The following DMD variants were observed in gnomAD, a reference collection of about 807,000 sequenced individuals.
DMD encodes mutant dystrophin.
A neutral mutation model predicts 330.1 loss-of-function variants in DMD; 63 were observed. That is an observed-to-expected ratio of 0.19 (90% CI 0.16 to 0.24). The LOEUF (loss-of-function observed/expected upper bound fraction) is 0.24, where lower values mean the gene tolerates loss of function less well. DMD is among the 10% of genes least tolerant of loss of function. The probability of loss-of-function intolerance (pLI) is 1.00; values close to 1 mark genes in which losing one functional copy is unlikely to be tolerated. For missense variants in DMD, 3,344 were observed against 2,684.1 expected (o/e 1.25, Z -5.43); for synonymous variants, 1,223 against 959.8 (o/e 1.27, Z -5.07).
chrX:32,704,143 G>A (rs747391640), intron 7 of DMD, among the ~76,000 whole-genome samples: 5 of 111,488 alleles, frequency 4.5e-5, no homozygotes, highest in African/African-American at 1.6e-4. Context: ...ATCATTTTTC[G>A]AATAAAGAAG....
At chrX:31,806,865 T>C (rs1240057055) in intron 50 of DMD, among the ~76,000 whole-genome samples, 1 of 112,739 alleles carries the variant, frequency 8.9e-6, no homozygotes, top group Non-Finnish European at 1.9e-5. Flanking sequence ...AACTCCCTTT[T>C]TATTTTACAG....
chrX:31,153,428 A>G (rs188503051), intron 74 of DMD, among the ~76,000 whole-genome samples: 10 of 110,667 alleles, frequency 9.0e-5, no homozygotes, highest in Non-Finnish European at 1.7e-4. Flanking sequence ...CCCTGTTACT[A>G]CAGCACGAGC....
chrX:33,267,089 A>G (rs1320527029), intron 1 of DMD, among the ~76,000 whole-genome samples: 1 of 111,777 alleles, frequency 8.9e-6, no homozygotes, highest in Non-Finnish European at 1.9e-5. Context: ...TATACTTAGA[A>G]AACCCAAAGA....
chrX:31,238,029 C>T (rs1017778729), intron 63 of DMD, among the ~76,000 whole-genome samples: 1 of 112,051 alleles, frequency 8.9e-6, no homozygotes, highest in Non-Finnish European at 1.9e-5. Context: ...CTTGAAAAGA[C>T]TCTTCTTTAT....
chrX:32,834,206 T>A (rs1230995593), intron 4 of DMD, among the ~76,000 whole-genome samples: 2 of 111,607 alleles, frequency 1.8e-5, no homozygotes, highest in Non-Finnish European at 3.8e-5. Flanking sequence ...ACTTGAGAAT[T>A]AATACATATA....
intron 43 of DMD, among the ~76,000 whole-genome samples, chrX:32,228,535 C>G (rs1211148609): frequency 9.0e-6 from 1 of 111,439 alleles, no homozygotes; most frequent in Non-Finnish European, 1.9e-5. Flanking sequence ...CTTTTAATAC[C>G]AAGACCTTTT....
At chrX:33,005,287 C>A (rs2093369979) in intron 2 of DMD, among the ~76,000 whole-genome samples, 2 of 82,481 alleles carry the variant, frequency 2.4e-5, no homozygotes, top group African/African-American at 3.8e-5. Context: ...CACACACACA[C>A]ACACACACGC....
At chrX:32,737,358 T>C (rs1156759103) in intron 7 of DMD, among the ~76,000 whole-genome samples, 1 of 111,400 alleles carries the variant, frequency 9.0e-6, no homozygotes, top group Non-Finnish European at 1.9e-5. Context: ...TCTATGAAAA[T>C]GACTATTTTA....
chrX:32,384,643 T>C lies in DMD; in HGVS notation c.4674+1667A>G, dbSNP rs144863229. On this transcript the variant is annotated intron_variant, in intron 33 of 78. Transcript: ENST00000357033. ...AAAATTTACTTTCTATGGTAAGGAA[T>C]TGGCAACTAATATCTTGAAGATATA... Among the ~76,000 whole-genome samples, 20 of 111,050 alleles carry C rather than the reference T, an allele frequency of 1.8e-4. No homozygotes were observed. In the East Asian group the frequency reaches 4.2e-3, roughly 24 times the overall value.
At chrX:32,461,850 C>T (rs1029539127) in intron 25 of DMD, among the ~76,000 whole-genome samples, 1 of 109,888 alleles carries the variant, frequency 9.1e-6, no homozygotes, top group Non-Finnish European at 1.9e-5. Flanking sequence ...CACTGACTTA[C>T]TTCAGGAGAA....
intron 60 of DMD, among the ~76,000 whole-genome samples, chrX:31,365,218 T>C (rs1051985441): frequency 2.7e-5 from 3 of 110,905 alleles, no homozygotes. Context: ...CCCTCTCTAT[T>C]TCACATTCCC....
intron 3 of DMD, among the ~76,000 whole-genome samples, chrX:32,849,275 A>T (rs897153934): frequency 5.4e-5 from 6 of 111,812 alleles, no homozygotes; most frequent in Non-Finnish European, 1.1e-4. Flanking sequence ...CTGAAGTTAG[A>T]CAAGATAATA....
At chrX:32,760,929 T>C (rs1420648986) in intron 7 of DMD, among the ~76,000 whole-genome samples, 1 of 111,536 alleles carries the variant, frequency 9.0e-6, no homozygotes, top group Admixed American at 9.6e-5. Context: ...TTGGTGCTTT[T>C]GCCTTGCTAT....
At chrX:31,877,705 G>A (rs753468710) in intron 47 of DMD, among the ~76,000 whole-genome samples, 40 of 109,465 alleles carry the variant, frequency 3.7e-4, no homozygotes, top group African/African-American at 6.9e-4. Context: ...GCACGCACGC[G>A]CGCACACAGG....
intron 47 of DMD, among the ~76,000 whole-genome samples, chrX:31,908,204 C>G (rs2094501569): frequency 8.9e-6 from 1 of 111,908 alleles, no homozygotes; most frequent in African/African-American, 3.3e-5. Flanking sequence ...ACCCGGCCAT[C>G]CCATTACTGG....
intron 5 of DMD, among the ~76,000 whole-genome samples, chrX:32,817,549 A>C (rs1448232048): frequency 8.9e-6 from 1 of 111,995 alleles, no homozygotes; most frequent in Admixed American, 9.5e-5. Context: ...TTTATTAAAG[A>C]CTGCTTTTTA....
chrX:33,131,431 T>C (rs1438768818), intron 1 of DMD, among the ~76,000 whole-genome samples: 1 of 111,908 alleles, frequency 8.9e-6, no homozygotes, highest in African/African-American at 3.3e-5. Flanking sequence ...GTTATCAAAT[T>C]AGGTGCTCAT....
intron 59 of DMD, among the ~76,000 whole-genome samples, chrX:31,463,171 T>C (rs1467311380): frequency 1.8e-5 from 2 of 112,324 alleles, no homozygotes; most frequent in African/African-American, 6.5e-5. Flanking sequence ...CTATGTCTTC[T>C]ATGCTGTTAA....
At chrX:31,518,717 T>A (rs912985515) in intron 55 of DMD, among the ~76,000 whole-genome samples, 2 of 110,823 alleles carry the variant, frequency 1.8e-5, no homozygotes, top group African/African-American at 6.6e-5. Flanking sequence ...ACAGCCCTTA[T>A]AAATCCTTTA....
Sources: gnomAD v4.1 joint callset for allele counts (sites outside exome capture counted in the v4.1 genomes callset) on GRCh38, gnomAD v4.1.1 for gene constraint, MANE v1.5 for transcripts, NCBI Gene and HGNC (gene_info 2026-07-23, HGNC 2026-07-21) for gene names.